Variants in B4GALT5 observed in about 807,000 individuals in gnomAD.
B4GALT5 encodes UDP-Gal:beta-GlcNAc beta-1,4-galactosyltransferase 5.
Under a neutral mutation model 45.0 loss-of-function variants are expected in B4GALT5, and 11 were observed. The ratio of observed to expected loss-of-function variants is 0.24; its 90% CI spans 0.15 to 0.40. B4GALT5 has a LOEUF of 0.40. Ranked by LOEUF, B4GALT5 falls within the 10% of genes least tolerant of loss-of-function variation. The probability of loss-of-function intolerance (pLI) is 1.00; values close to 1 mark genes in which losing one functional copy is unlikely to be tolerated. For missense variants in B4GALT5, 337 were observed against 500.2 expected (o/e 0.67, Z 3.11); for synonymous variants, 185 against 182.9 (o/e 1.01, Z -0.09).
chr20:49,687,879 TAA>T (rs374029440), intron 1 of B4GALT5, among the ~76,000 whole-genome samples: 1 of 145,544 alleles, frequency 6.9e-6, no homozygotes. Flanking sequence ...CAGAGAAAAT[TAA>T]AAAAAAAAAA....
chr20:49,707,716 G>A (rs970521905), intron 1 of B4GALT5, among the ~76,000 whole-genome samples: 1 of 152,052 alleles, frequency 6.6e-6, no homozygotes, highest in African/African-American at 2.4e-5. Context: ...CCAGGCTCAG[G>A]TGATCTTCTG....
intron 1 of B4GALT5, among the ~76,000 whole-genome samples, chr20:49,662,333 A>G (rs2085668515): frequency 6.6e-6 from 1 of 152,146 alleles, no homozygotes; most frequent in Non-Finnish European, 1.5e-5. Flanking sequence ...TCTACTTAAC[A>G]TACAACATAT....
intron 1 of B4GALT5, among the ~76,000 whole-genome samples, chr20:49,676,010 G>C (rs1272846200): frequency 6.6e-6 from 1 of 152,052 alleles, no homozygotes; most frequent in Admixed American, 6.6e-5. Flanking sequence ...TTCAAGGTTA[G>C]AGTTTTTATT....
chr20:49,682,067 G>A (rs1227477396), intron 1 of B4GALT5, among the ~76,000 whole-genome samples: 1 of 152,220 alleles, frequency 6.6e-6, no homozygotes, highest in African/African-American at 2.4e-5. Flanking sequence ...CTGCACTCCA[G>A]CCTGGACAAA....
chr20:49,703,730 A>AAAAAAAATAATAAT (rs60147049), intron 1 of B4GALT5, among the ~76,000 whole-genome samples: 68,915 of 144,360 alleles, frequency 0.48, 16,870 homozygotes, highest in South Asian at 0.63. Context: ...TTCTACTAAA[A>AAAAAAAATAATAAT]AAAAAAAAAA....
chr20:49,651,173 C>T (rs773403509), intron 2 of B4GALT5, among the ~76,000 whole-genome samples: 123 of 152,054 alleles, frequency 8.1e-4, no homozygotes, highest in Non-Finnish European at 1.4e-3. Context: ...GTAGCTCCGG[C>T]TACTCAGGAG....
intron 1 of B4GALT5, among the ~76,000 whole-genome samples, chr20:49,696,261 G>A (rs1369389541): frequency 1.3e-5 from 2 of 152,106 alleles, no homozygotes; most frequent in African/African-American, 4.8e-5. Context: ...TTTCTGAGAA[G>A]AGCTTTATTC....
intron 1 of B4GALT5, among the ~76,000 whole-genome samples, chr20:49,697,575 CTTTTT>C (rs11475400): frequency 7.0e-6 from 1 of 143,636 alleles, no homozygotes; most frequent in Non-Finnish European, 1.5e-5. Flanking sequence ...GGGACATGTC[CTTTTT>C]TTTTTTTTTT....
In B4GALT5 at chr20:49,692,822, C is replaced by CA. The variant is rs777649577; in HGVS notation, c.115+20753dup. On this transcript the variant is annotated intron_variant, in intron 1 of 8. Transcript: ENST00000371711. ...TATGTTTTTGAAAAATTACACACAC[C>CA]AAAAAAAATTATCCAAAATGTTGCG... 7.2e-5 allele frequency among the ~76,000 whole-genome samples: 11 copies of CA among 151,760 alleles called. No homozygotes were observed. In the East Asian group the frequency reaches 1.5e-3, roughly 21 times the overall value.
chr20:49,637,207 C>A, intron 8 of B4GALT5, 134 bp downstream of exon 8: 1 of 744,126 alleles, frequency 1.3e-6, no homozygotes, highest in Non-Finnish European at 2.4e-6. Flanking sequence ...AGAATACATG[C>A]AACAGCTGTC....
rs2085830545 is a variant in B4GALT5 at position 49,694,658 on chromosome 20, A to AAAG, written c.115+18917_115+18918insCTT. On this transcript the variant is annotated intron_variant, in intron 1 of 8. Transcript: ENST00000371711. The stretch of plus-strand genomic sequence containing the variant: ...CTGAGAAGGGAAAGGGAAAGGGAAA[A>AAAG]GGAAAGGGAAAGGGAAAGGGAAAGG... Among the ~76,000 whole-genome samples, 24 of 143,040 alleles carry AAAG rather than the reference A, an allele frequency of 1.7e-4. 1 individual carries two copies. The highest frequency in any genetic ancestry group is 8.3e-4 in the East Asian group (4 of 4,794). The allele number at this position is 143,040 out of a possible 152,430, so 93.8% of individuals were successfully genotyped here.
intron 1 of B4GALT5, among the ~76,000 whole-genome samples, chr20:49,693,292 A>G (rs1027294235): frequency 1.3e-4 from 20 of 152,252 alleles, no homozygotes; most frequent in Non-Finnish European, 2.6e-4. Flanking sequence ...CACTGACTGC[A>G]TATGCTTGCC....
intron 1 of B4GALT5, among the ~76,000 whole-genome samples, chr20:49,686,611 G>C (rs552739547): frequency 6.6e-6 from 1 of 151,924 alleles, no homozygotes; most frequent in African/African-American, 2.4e-5. Flanking sequence ...GCTGGGCCAG[G>C]TGGAGTGGCT....
At chr20:49,703,269 G>GA (rs2085870443) in intron 1 of B4GALT5, among the ~76,000 whole-genome samples, 1 of 151,738 alleles carries the variant, frequency 6.6e-6, no homozygotes, top group Non-Finnish European at 1.5e-5. Flanking sequence ...TAGATACATG[G>GA]CAAATTTCAT....
chr20:49,668,009 C>G (rs903139185), intron 1 of B4GALT5, among the ~76,000 whole-genome samples: 1 of 152,040 alleles, frequency 6.6e-6, no homozygotes, highest in African/African-American at 2.4e-5. Flanking sequence ...TATTTTGGAG[C>G]AACCGTGTGA....
intron 1 of B4GALT5, among the ~76,000 whole-genome samples, chr20:49,698,431 G>C (rs968398179): frequency 5.3e-5 from 8 of 152,182 alleles, no homozygotes; most frequent in African/African-American, 1.4e-4. Context: ...TACCTAAAGT[G>C]AATTTTCCCT....
chr20:49,686,405 A>G (rs916228878), intron 1 of B4GALT5, among the ~76,000 whole-genome samples: 1 of 152,206 alleles, frequency 6.6e-6, no homozygotes, highest in African/African-American at 2.4e-5. Flanking sequence ...CCCAAGAGAT[A>G]CCACACATAG....
intron 1 of B4GALT5, among the ~76,000 whole-genome samples, chr20:49,670,539 T>C (rs1311801725): frequency 2.0e-5 from 3 of 152,220 alleles, no homozygotes; most frequent in Admixed American, 1.3e-4. Context: ...ACTACAGGCA[T>C]GCATCATGGT....
rs977308364 is a variant in B4GALT5 at position 49,633,831 on chromosome 20, C to T, written c.*2481G>A. ...CCTGGCAAATCCTTCCAAATGACAT[C>T]ATAGTGTTGTCACATTGAAAGCAAC... On this transcript the variant is annotated 3_prime_UTR_variant, in exon 9 of 9. Transcript: ENST00000371711. 1 of 152,486 alleles carries T rather than the reference C, an allele frequency of 6.6e-6. No homozygotes were observed. The highest frequency in any genetic ancestry group is 1.5e-5 in the Non-Finnish European group (1 of 68,034). 9.4% of individuals were successfully genotyped at this position (152,486 alleles called of 1,614,324 possible).
Sources: allele counts gnomAD v4.1 joint callset (sites outside exome capture counted in the v4.1 genomes callset), GRCh38; gene constraint gnomAD v4.1.1; transcripts MANE v1.5; gene names NCBI Gene and HGNC (gene_info 2026-07-23, HGNC 2026-07-21).